The following GRID1 variants were observed in gnomAD, a reference collection of about 807,000 sequenced individuals.
GRID1 encodes the protein glutamate receptor ionotropic, delta-1.
GRID1 carries 28 observed loss-of-function variants against 98.0 expected under a neutral mutation model. That is an observed-to-expected ratio of 0.29 (90% CI 0.21 to 0.39). The LOEUF (loss-of-function observed/expected upper bound fraction) is 0.39, where lower values mean the gene tolerates loss of function less well. Ranked by LOEUF, GRID1 falls within the 10% of genes least tolerant of loss-of-function variation. The pLI is 1.00. For synonymous variants in GRID1, 553 were observed against 538.5 expected (o/e 1.03, Z -0.37); for missense variants, 1,111 against 1,340.5 (o/e 0.83, Z 2.67).
intron 4 of GRID1, among the ~76,000 whole-genome samples, chr10:86,086,733 T>G (rs1034143697): frequency 4.6e-5 from 7 of 152,184 alleles, no homozygotes; most frequent in African/African-American, 7.2e-5. Flanking sequence ...TCTGTGTGTG[T>G]GCATATGTGC....
At chr10:85,628,124 T>C (rs1187929234) in intron 13 of GRID1, among the ~76,000 whole-genome samples, 1 of 151,632 alleles carries the variant, frequency 6.6e-6, no homozygotes, top group Non-Finnish European at 1.5e-5. Context: ...TATGGGTGGG[T>C]GAGTGTGTGT....
intron 4 of GRID1, among the ~76,000 whole-genome samples, chr10:86,082,826 C>T (rs767042061): frequency 6.6e-6 from 1 of 152,214 alleles, no homozygotes; most frequent in African/African-American, 2.4e-5. Flanking sequence ...TGTCCTGCCC[C>T]CTTTCTTTGC....
intron 12 of GRID1, among the ~76,000 whole-genome samples, chr10:85,664,640 A>G (rs1840999983): frequency 6.6e-6 from 1 of 152,174 alleles, no homozygotes; most frequent in Non-Finnish European, 1.5e-5. Flanking sequence ...AGGCATGGGT[A>G]CCTTGGAAGT....
At chr10:86,325,642 C>T (rs535188915) in intron 2 of GRID1, among the ~76,000 whole-genome samples, 40 of 152,302 alleles carry the variant, frequency 2.6e-4, no homozygotes, top group Non-Finnish European at 2.5e-4. Flanking sequence ...CTTTTTTATA[C>T]CTGCTGGCTT....
chr10:86,193,188 G>T (rs1163396813), intron 3 of GRID1, among the ~76,000 whole-genome samples: 1 of 152,054 alleles, frequency 6.6e-6, no homozygotes, highest in Non-Finnish European at 1.5e-5. Context: ...GCAGTCAGGA[G>T]AGTGAGGGCT....
intron 2 of GRID1, among the ~76,000 whole-genome samples, chr10:86,265,177 C>T (rs2132057911): frequency 6.6e-6 from 1 of 151,784 alleles, no homozygotes; most frequent in African/African-American, 2.4e-5. Flanking sequence ...AGCTCCCATA[C>T]CCCCACCTCA....
At chr10:86,196,822 G>A (rs1845880376) in intron 3 of GRID1, among the ~76,000 whole-genome samples, 1 of 151,658 alleles carries the variant, frequency 6.6e-6, no homozygotes, top group Non-Finnish European at 1.5e-5. Context: ...GTGGAGGAGG[G>A]AGGGGCTTTG....
chr10:85,658,806 G>A (rs1840931738), intron 12 of GRID1, among the ~76,000 whole-genome samples: 1 of 152,130 alleles, frequency 6.6e-6, no homozygotes, highest in African/African-American at 2.4e-5. Context: ...AATGTTCTGG[G>A]CAAAGATAAC....
chr10:86,357,382 C>T (rs73342279), intron 2 of GRID1, among the ~76,000 whole-genome samples: 2,466 of 152,320 alleles, frequency 0.016, 59 homozygotes, highest in African/African-American at 0.052. Context: ...CAGTATGACC[C>T]GTGGCCTCTC....
At chr10:85,988,048 GA>G (rs1842634297) in intron 4 of GRID1, among the ~76,000 whole-genome samples, 1 of 152,084 alleles carries the variant, frequency 6.6e-6, no homozygotes, top group African/African-American at 2.4e-5. Flanking sequence ...CTGCTGAATA[GA>G]AATGAATATC....
chr10:85,988,387 G>C (rs1842638222), intron 4 of GRID1, among the ~76,000 whole-genome samples: 2 of 152,196 alleles, frequency 1.3e-5, no homozygotes, highest in Non-Finnish European at 2.9e-5. Flanking sequence ...TAAATATGTA[G>C]GGAAGCTTTT....
chr10:86,171,585 G>A (rs1845488669), intron 3 of GRID1, among the ~76,000 whole-genome samples: 1 of 152,208 alleles, frequency 6.6e-6, no homozygotes, highest in South Asian at 2.1e-4. Flanking sequence ...AGGAGGTTCT[G>A]CAGAGGCAGG....
At chr10:85,987,513 TAGCTATACCTTCCCCCC>T (rs1842625046) in intron 4 of GRID1, among the ~76,000 whole-genome samples, 1 of 21,876 alleles carries the variant, frequency 4.6e-5, no homozygotes, top group Admixed American at 4.9e-4. Context: ...ACCTTCCCCC[TAGCTATACCTTCCCCCC>T]AACCTAATTA....
At position 85,984,591 on chromosome 10, in the gene GRID1, G is replaced by A. The variant is rs1032669590; in HGVS notation, c.727-68352C>T. The stretch of plus-strand genomic sequence containing the variant: ...TCACGCTAGTGAATAGAAGTGCAAG[G>A]AGCCTTGGTCCTGGCCAAATCCCAG... On this transcript the variant is annotated intron_variant, in intron 4 of 15. Transcript: ENST00000327946. Among the ~76,000 whole-genome samples, 7 of 152,186 alleles carry A rather than the reference G, an allele frequency of 4.6e-5. No individual in the cohort carries two copies. The East Asian group carries it at 9.6e-4, about 21-fold the overall frequency.
chr10:86,177,115 C>T (rs191985169), intron 3 of GRID1, among the ~76,000 whole-genome samples: 99 of 151,978 alleles, frequency 6.5e-4, no homozygotes, highest in African/African-American at 2.2e-3. Context: ...CCCAGGATCC[C>T]GACCTCCCCC....
chr10:85,970,682 C>T (rs1299608251), intron 4 of GRID1, among the ~76,000 whole-genome samples: 3 of 152,000 alleles, frequency 2.0e-5, no homozygotes, highest in Non-Finnish European at 2.9e-5. Flanking sequence ...ACTCCTTCAA[C>T]CTGATAAAGG....
At chr10:85,626,902 TG>T (rs1388790665) in intron 13 of GRID1, among the ~76,000 whole-genome samples, 1 of 152,218 alleles carries the variant, frequency 6.6e-6, no homozygotes, top group African/African-American at 2.4e-5. Context: ...GAGAATTGAA[TG>T]TTTTTAAAAT....
chr10:86,279,158 C>T (rs538669239), intron 2 of GRID1, among the ~76,000 whole-genome samples: 1 of 152,248 alleles, frequency 6.6e-6, no homozygotes, highest in South Asian at 2.1e-4. Context: ...CTCTCTTGCC[C>T]TCTTTCCACC....
At chr10:86,283,188 T>G (rs1847380213) in intron 2 of GRID1, among the ~76,000 whole-genome samples, 1 of 152,100 alleles carries the variant, frequency 6.6e-6, no homozygotes, top group Non-Finnish European at 1.5e-5. Context: ...TGGCACCATC[T>G]CCTCCAGGTA....
Sources: gnomAD v4.1 joint callset for allele counts (sites outside exome capture counted in the v4.1 genomes callset) on GRCh38, gnomAD v4.1.1 for gene constraint, MANE v1.5 for transcripts, NCBI Gene and HGNC (gene_info 2026-07-23, HGNC 2026-07-21) for gene names.